The following ADAM10 variants were observed in gnomAD, a reference collection of about 807,000 sequenced individuals.
ADAM10 encodes ADAM metallopeptidase domain 10, also known as disintegrin and metalloproteinase domain-containing protein 10.
A neutral mutation model predicts 90.1 loss-of-function variants in ADAM10; 17 were observed. The observed-to-expected ratio is 0.19, with a 90% CI of 0.13 to 0.28. The LOEUF (loss-of-function observed/expected upper bound fraction) is 0.28. ADAM10 is among the 10% of genes least tolerant of loss of function. The probability of loss-of-function intolerance (pLI) is 1.00; values close to 1 mark genes in which losing one functional copy is unlikely to be tolerated. For synonymous variants in ADAM10, 310 were observed against 298.6 expected (o/e 1.04, Z -0.40); for missense variants, 610 against 914.3 (o/e 0.67, Z 4.29).
intron 1 of ADAM10, 137 bp downstream of exon 1, chr15:58,749,343 C>G (rs1899901229): frequency 8.9e-7 from 1 of 1,129,688 alleles, no homozygotes. Flanking sequence ...GAGCGGGGAG[C>G]GCGGCCCGCC....
chr15:58,714,577 A>G (rs935419794), intron 2 of ADAM10, among the ~76,000 whole-genome samples: 1 of 152,194 alleles, frequency 6.6e-6, no homozygotes. Flanking sequence ...AGACAGTACA[A>G]TTTTATAGGC....
intron 1 of ADAM10, among the ~76,000 whole-genome samples, chr15:58,722,164 A>T (rs1033955468): frequency 1.3e-5 from 2 of 151,926 alleles, no homozygotes; most frequent in Admixed American, 1.3e-4. Flanking sequence ...ACATGGTGAA[A>T]CCCCCGTCTC....
intron 7 of ADAM10, among the ~76,000 whole-genome samples, chr15:58,643,253 A>C (rs1314129711): frequency 6.6e-6 from 1 of 152,100 alleles, no homozygotes; most frequent in Non-Finnish European, 1.5e-5. Flanking sequence ...ATGGCTCCGG[A>C]TCAGCTTTTC....
intron 2 of ADAM10, among the ~76,000 whole-genome samples, chr15:58,696,844 G>C (rs1297144163): frequency 6.6e-6 from 1 of 152,224 alleles, no homozygotes; most frequent in East Asian, 1.9e-4. Context: ...TACTGCTCAT[G>C]AACGGTCCCC....
Position 58,682,179 on chromosome 15 carries a change from G to C in ADAM10, c.325+17C>G. The C allele has an allele frequency of 6.2e-7, 1 of 1,610,122 alleles. No individual in the cohort carries two copies. Among genetic ancestry groups the C allele is most frequent in the Non-Finnish European group, 8.5e-7 (1 of 1,178,172 alleles). Reference sequence around the variant, plus strand: ...AAAAAAAATGGAAGAAAAGGGTTCTGTTAAGGTCCAACTTACCATAAATAT... The same window carrying C: ...AAAAAAAATGGAAGAAAAGGGTTCTCTTAAGGTCCAACTTACCATAAATAT... On this transcript the variant is annotated intron_variant, in intron 3 of 15. Coordinates refer to ENST00000260408, the MANE Select transcript of ADAM10 (RefSeq NM_001110.4).
intron 5 of ADAM10, among the ~76,000 whole-genome samples, chr15:58,649,860 C>A (rs768127619): frequency 7.2e-5 from 11 of 152,170 alleles, no homozygotes; most frequent in Non-Finnish European, 1.3e-4. Flanking sequence ...TCAGCCATTA[C>A]CTGTCCTTGA....
intron 1 of ADAM10, among the ~76,000 whole-genome samples, chr15:58,731,886 T>C (rs1432078145): frequency 2.6e-5 from 4 of 152,192 alleles, no homozygotes; most frequent in African/African-American, 4.8e-5. Context: ...GGGAACATTC[T>C]CTGAATAGCA....
intron 11 of ADAM10, among the ~76,000 whole-genome samples, chr15:58,612,704 T>C (rs1347065867): frequency 6.6e-6 from 1 of 152,148 alleles, no homozygotes; most frequent in East Asian, 1.9e-4. Flanking sequence ...TGCCATGCAC[T>C]GTGCTCTGGG....
chr15:58,647,996 C>A (rs1945508233), intron 5 of ADAM10, among the ~76,000 whole-genome samples: 2 of 152,154 alleles, frequency 1.3e-5, no homozygotes, highest in Non-Finnish European at 2.9e-5. Flanking sequence ...ATTTCTTCTT[C>A]CTTGACATTT....
chr15:58,617,988 A>G (rs560246250), intron 11 of ADAM10, among the ~76,000 whole-genome samples: 1 of 152,290 alleles, frequency 6.6e-6, no homozygotes, highest in South Asian at 2.1e-4. Flanking sequence ...CTACAGATTC[A>G]ATGTAATGCC....
chr15:58,673,422 G>A (rs1225999845), intron 4 of ADAM10, among the ~76,000 whole-genome samples: 2 of 138,044 alleles, frequency 1.4e-5, no homozygotes, highest in Non-Finnish European at 1.6e-5. Context: ...CTGTTTTTTT[G>A]ACACTGTAAA....
In ADAM10 at chr15:58,589,638, C is replaced by T. The variant is rs550486877; in HGVS notation, c.*7909G>A. 2.6e-5 allele frequency: 4 copies of T among 152,332 alleles called. No individual in the cohort carries two copies. Among genetic ancestry groups the T allele is most frequent in the African/African-American group, 7.2e-5 (3 of 41,554 alleles). 9.4% of individuals were successfully genotyped at this position (152,332 alleles called of 1,614,324 possible). A position where few individuals can be genotyped will look rare whatever the true frequency, so the allele number is the denominator to read the frequency against. ...GATAAGTGAATGGGAGCTGAAGTAG[C>T]CACTGAGTGTAAATGATTCTCTCGA... On this transcript the variant is annotated 3_prime_UTR_variant, in exon 16 of 16. Transcript: ENST00000260408.
chr15:58,655,711 G>GTGTATA (rs1212041296), intron 5 of ADAM10, among the ~76,000 whole-genome samples: 13 of 53,712 alleles, frequency 2.4e-4, no homozygotes, highest in African/African-American at 7.3e-4. Context: ...TATATATATA[G>GTGTATA]TATATATATA....
Position 58,592,707 on chromosome 15 carries a change from A to C in ADAM10, c.*4840T>G, listed in dbSNP as rs1894847942. On this transcript the variant is annotated 3_prime_UTR_variant, in exon 16 of 16. Coordinates refer to ENST00000260408, the MANE Select transcript of ADAM10 (RefSeq NM_001110.4). ...TTCTATTATTGTTTCTAATACATTC[A>C]TGTGGCTGCATATATGTGGATTTCT... 6.6e-6 allele frequency: 1 copy of C among 151,516 alleles called. No homozygotes were observed. The highest frequency in any genetic ancestry group is 2.4e-5 in the African/African-American group (1 of 41,314). The allele number at this position is 151,516 out of a possible 1,614,324, so 9.4% of individuals were successfully genotyped here.
chr15:58,686,396 C>A, intron 2 of ADAM10: 1 of 1,075,970 alleles, frequency 9.3e-7, no homozygotes, highest in Non-Finnish European at 1.4e-6. Flanking sequence ...GCCCTCGGAG[C>A]CCAGCGCCGC....
chr15:58,621,809 C>T (rs1168591021), intron 10 of ADAM10, among the ~76,000 whole-genome samples, 188 bp from the exon 11 acceptor site: 1 of 152,152 alleles, frequency 6.6e-6, no homozygotes, highest in Non-Finnish European at 1.5e-5. Flanking sequence ...ACTAGCAATG[C>T]AATCTTGGGG....
intron 1 of ADAM10, among the ~76,000 whole-genome samples, chr15:58,729,903 G>A (rs544282): frequency 0.3 from 45,694 of 150,338 alleles, 9,229 homozygotes; most frequent in African/African-American, 0.57. Context: ...CGGAGGCTGC[G>A]GCGAGCCAAG....
intron 1 of ADAM10, among the ~76,000 whole-genome samples, chr15:58,727,197 TTTTTTTTTCC>T (rs1899063882): frequency 7.9e-6 from 1 of 125,936 alleles, no homozygotes; most frequent in Non-Finnish European, 1.6e-5. Context: ...TTTTTTTTTT[TTTTTTTTTCC>T]CAAAAACAGC....
intron 2 of ADAM10, among the ~76,000 whole-genome samples, chr15:58,712,059 G>A (rs1242271309): frequency 6.6e-6 from 1 of 151,986 alleles, no homozygotes; most frequent in Non-Finnish European, 1.5e-5. Context: ...TTGCAATGAA[G>A]TTTTTCTCAT....
Sources: allele counts gnomAD v4.1 joint callset (sites outside exome capture counted in the v4.1 genomes callset), GRCh38; gene constraint gnomAD v4.1.1; transcripts MANE v1.5; gene names NCBI Gene and HGNC (gene_info 2026-07-23, HGNC 2026-07-21).